Variants in SPATA6L observed in about 807,000 individuals in gnomAD.
SPATA6L encodes spermatogenesis associated 6-like protein.
SPATA6L carries 68 observed loss-of-function variants against 49.2 expected under a neutral mutation model. That is an observed-to-expected ratio of 1.38 (90% CI 1.14 to 1.69). The LOEUF is 1.69. SPATA6L is among the 40% of genes most tolerant of loss of function. SPATA6L has a pLI of 0.00. For missense variants in SPATA6L, 668 were observed against 464.3 expected (o/e 1.44, Z -4.03); for synonymous variants, 198 against 165.7 (o/e 1.19, Z -1.50).
At chr9:4,622,913 G>T (rs1829650995) in intron 6 of SPATA6L, among the ~76,000 whole-genome samples, 1 of 152,148 alleles carries the variant, frequency 6.6e-6, no homozygotes, top group South Asian at 2.1e-4. Flanking sequence ...GACAGCAAGG[G>T]ATTCCCATAA....
chr9:4,654,314 T>C (rs574931676), intron 3 of SPATA6L, among the ~76,000 whole-genome samples: 1 of 152,174 alleles, frequency 6.6e-6, no homozygotes, highest in African/African-American at 2.4e-5. Context: ...TCTCAGGACG[T>C]GCGATGGGGG....
At chr9:4,616,577 C>A (rs140110569) in intron 9 of SPATA6L, among the ~76,000 whole-genome samples, 6 of 152,088 alleles carry the variant, frequency 3.9e-5, no homozygotes, top group African/African-American at 1.4e-4. Flanking sequence ...TGTGCCAGAG[C>A]CAGTTTTTTG....
In SPATA6L at chr9:4,598,412, A is replaced by G. The variant is rs1822502540; in HGVS notation, c.*2399T>C. 6.6e-6 allele frequency among the ~76,000 whole-genome samples: 1 copy of G among 152,218 alleles called. No individual in the cohort carries two copies. The highest frequency in any genetic ancestry group is 2.4e-5 in the African/African-American group (1 of 41,450). On this transcript the variant is annotated 3_prime_UTR_variant, in exon 12 of 12. Transcript: ENST00000682582. ...CATACTATTATACACTCCAAAAGCA[A>G]AATACTTCAACTGCAATCCTTGCCC... is the stretch of plus-strand genomic sequence containing the variant.
chr9:4,652,551 T>C (rs1178414778), intron 3 of SPATA6L, among the ~76,000 whole-genome samples: 1 of 152,040 alleles, frequency 6.6e-6, no homozygotes, highest in African/African-American at 2.4e-5. Flanking sequence ...CAAAACATCA[T>C]TGAAAATAAA....
intron 9 of SPATA6L, chr9:4,617,642 A>G (rs927562547): frequency 3.5e-6 from 1 of 287,424 alleles, no homozygotes; most frequent in Non-Finnish European, 6.4e-6. Context: ...ACATTTTTAT[A>G]CTGGTAAAAT....
Position 4,635,330 on chromosome 9 carries a change from G to A in SPATA6L, c.296C>T (p.Pro99Leu). Residue 99 changes from proline (P) to leucine (L), a missense_variant, in exon 4 of 12, where the codon CCT becomes CTT. Transcript: ENST00000682582. ...CTCCCTACACCTCCTAGGGTGCGAA[G>A]GTGTCAGCTTGGGCTCTGGGAAAAG... The part of the protein sequence containing the change: ...DFLFPEPKLT[P>L]SHPRRCREVL... 3.1e-6 allele frequency: 5 copies of A among 1,590,340 alleles called. No individual in the cohort carries two copies. Among genetic ancestry groups the A allele is most frequent in the South Asian group, 1.1e-5 (1 of 87,590 alleles).
intron 3 of SPATA6L, among the ~76,000 whole-genome samples, 173 bp downstream of exon 3, chr9:4,655,868 G>A (rs542727799): frequency 6.6e-6 from 1 of 152,112 alleles, no homozygotes; most frequent in Non-Finnish European, 1.5e-5. Flanking sequence ...TCTATATATA[G>A]AAAAGGGTAT....
Position 4,599,186 on chromosome 9 carries a change from T to A in SPATA6L, c.*1625A>T, listed in dbSNP as rs149937732. 3.9e-5 allele frequency among the ~76,000 whole-genome samples: 6 copies of A among 152,344 alleles called. No individual in the cohort carries two copies. Among genetic ancestry groups the A allele is most frequent in the African/African-American group, 1.4e-4 (6 of 41,586 alleles). On this transcript the variant is annotated 3_prime_UTR_variant, in exon 12 of 12. Coordinates refer to ENST00000682582, the MANE Select transcript of SPATA6L (RefSeq NM_001353486.2). ...ATGCATTTGACTGCACCCTGCCACATGCAGTCAGATGTGGAATTTTTCACT... is the reference window on the plus strand; with the variant it reads ...ATGCATTTGACTGCACCCTGCCACAAGCAGTCAGATGTGGAATTTTTCACT...
chr9:4,617,844 G>T, intron 9 of SPATA6L, 79 bp downstream of exon 9: 1 of 1,203,294 alleles, frequency 8.3e-7, no homozygotes, highest in Non-Finnish European at 1.1e-6. Flanking sequence ...AAGAAAGGAA[G>T]CTGGTGAAAT....
At chr9:4,618,789 G>T in intron 8 of SPATA6L, 75 bp downstream of exon 8, 1 of 1,378,188 alleles carries the variant, frequency 7.3e-7, no homozygotes, top group South Asian at 1.2e-5. Flanking sequence ...ATCCACCACT[G>T]ATTGGAAAAA....
At chr9:4,632,469 G>A (rs772496042) in intron 4 of SPATA6L, among the ~76,000 whole-genome samples, 17 of 151,920 alleles carry the variant, frequency 1.1e-4, no homozygotes, top group South Asian at 8.3e-4. Context: ...GGTGGTGAGT[G>A]CCTGTAATCC....
At position 4,618,092 on chromosome 9, in the gene SPATA6L, C is replaced by T; in HGVS notation, c.826G>A (p.Glu276Lys). The change falls in exon 9 of 12, where the codon GAA becomes AAA. Residue 276 changes from glutamate to lysine, a missense_variant. Coordinates refer to ENST00000682582, the MANE Select transcript of SPATA6L (RefSeq NM_001353486.2). ...ANVKVIKEPD[E>K]RIVLRSDSSS... Reference sequence around the variant, plus strand: ...GAGTCACTCCTTAAAACAATCCGTTCATCTGGCTCTTTGATAACCTGAGTG... The same window carrying T: ...GAGTCACTCCTTAAAACAATCCGTTTATCTGGCTCTTTGATAACCTGAGTG... 1 of 1,608,766 alleles carries T rather than the reference C, an allele frequency of 6.2e-7. No homozygotes were observed. The highest frequency in any genetic ancestry group is 2.2e-5 in the East Asian group (1 of 44,670).
chr9:4,589,672 C>T (rs1172073614), intron 13 of SPATA6L, among the ~76,000 whole-genome samples: 1 of 152,112 alleles, frequency 6.6e-6, no homozygotes, highest in Non-Finnish European at 1.5e-5. Flanking sequence ...TGAGATGTAC[C>T]TTCACATAAC....
chr9:4,658,661 A>G (rs1838867163), intron 2 of SPATA6L, among the ~76,000 whole-genome samples: 1 of 152,142 alleles, frequency 6.6e-6, no homozygotes, highest in Admixed American at 6.5e-5. Context: ...GTGCTTCTAC[A>G]GTTTTGTATC....
At chr9:4,653,149 C>T (rs567324802) in intron 3 of SPATA6L, among the ~76,000 whole-genome samples, 2 of 152,264 alleles carry the variant, frequency 1.3e-5, no homozygotes, top group African/African-American at 4.8e-5. Context: ...TGTGTGTTGG[C>T]ATAACAATAG....
intron 5 of SPATA6L, 132 bp downstream of exon 5, chr9:4,628,959 T>C (rs1254879748): frequency 1.1e-5 from 7 of 649,678 alleles, no homozygotes; most frequent in Non-Finnish European, 1.9e-5. Flanking sequence ...AATACAAACC[T>C]AGTAAAAACT....
Position 4,662,759 on chromosome 9 carries a change from C to T in SPATA6L, c.40-723G>A, listed in dbSNP as rs368194561. On this transcript the variant is annotated intron_variant, in intron 1 of 11. Transcript: ENST00000682582. This position sits in a 1 kb window ranked among gnomAD's most constrained non-coding sequence, Gnocchi z 4.9. Reference sequence around the variant, plus strand: ...GCGCGGGAGAGAGCTCGTCGTGGGGCAGCGTGCGACCCCTTATGAAGCTGC... The same window carrying T: ...GCGCGGGAGAGAGCTCGTCGTGGGGTAGCGTGCGACCCCTTATGAAGCTGC... 488 of 1,604,390 alleles carry T rather than the reference C, an allele frequency of 3.0e-4. No homozygotes were observed. The highest frequency in any genetic ancestry group is 2.5e-3 in the Middle Eastern group (15 of 6,062).
intron 5 of SPATA6L, chr9:4,625,987 T>A (rs948697208): frequency 1.3e-5 from 2 of 157,528 alleles, no homozygotes. Context: ...ACCAGCTGTA[T>A]TGGTGAGTAA....
chr9:4,611,851 C>A (rs548203505), intron 9 of SPATA6L, among the ~76,000 whole-genome samples: 2 of 151,964 alleles, frequency 1.3e-5, no homozygotes, highest in Non-Finnish European at 2.9e-5. Context: ...AAAATTTAAT[C>A]CCAGTAGTTG....
Sources: gnomAD v4.1 joint callset for allele counts (sites outside exome capture counted in the v4.1 genomes callset) on GRCh38, gnomAD v4.1.1 for gene constraint, Gnocchi (gnomAD v3.1) non-coding constraint, MANE v1.5 for transcripts, NCBI Gene and HGNC (gene_info 2026-07-23, HGNC 2026-07-21) for gene names.